The following PCDHGA3 variants were observed in gnomAD, a reference collection of about 807,000 sequenced individuals.
The protein encoded by PCDHGA3 is protocadherin gamma-A3.
In PCDHGA3, 40 loss-of-function variants were observed where a neutral mutation model predicts 58.5. The observed-to-expected ratio is 0.68, with a 90% CI of 0.53 to 0.89. PCDHGA3 has a LOEUF of 0.89. Among genes scored for constraint, PCDHGA3 ranks in the 40% least tolerant of loss-of-function variants. The probability of loss-of-function intolerance (pLI) is 0.00; values close to 1 mark genes in which losing one functional copy is unlikely to be tolerated. For synonymous variants in PCDHGA3, 530 were observed against 525.7 expected, an observed-to-expected ratio of 1.01 and a Z score of -0.11; for missense variants, 1,223 against 1,195.9, an observed-to-expected ratio of 1.02 and a Z score of -0.33.
chr5:141,502,578 T>C (rs2099815145), intron 2 of PCDHGA3, among the ~76,000 whole-genome samples: 1 of 152,198 alleles, frequency 6.6e-6, no homozygotes, highest in African/African-American at 2.4e-5. Context: ...TATAAAAATA[T>C]ATTTTTATAA....
intron 1 of PCDHGA3, chr5:141,441,743 C>G (rs1298220876): frequency 2.7e-6 from 1 of 367,284 alleles, no homozygotes; most frequent in Non-Finnish European, 5.4e-6. Flanking sequence ...AGCTCGCGCT[C>G]GGCGTCAACG....
At chr5:141,376,697 T>TTTTTTTTTA (rs60911796) in intron 1 of PCDHGA3, 1 of 652,042 alleles carries the variant, frequency 1.5e-6, no homozygotes, top group African/African-American at 2.1e-5. Context: ...TTTTTTTTTT[T>TTTTTTTTTA]GAGACGGAGT....
chr5:141,354,034 C>T (rs907415407), intron 1 of PCDHGA3, among the ~76,000 whole-genome samples: 6 of 152,120 alleles, frequency 3.9e-5, no homozygotes, highest in African/African-American at 1.2e-4. Flanking sequence ...AGAAAGAAAG[C>T]GATGGCACAT....
intron 1 of PCDHGA3, chr5:141,403,625 A>G (rs2094436092): frequency 6.2e-7 from 1 of 1,613,818 alleles, no homozygotes; most frequent in African/African-American, 1.3e-5. Context: ...TCGCTCCAGC[A>G]CAGTGCGCAT....
chr5:141,508,721 G>A (rs1266581528), intron 3 of PCDHGA3, among the ~76,000 whole-genome samples: 1 of 151,930 alleles, frequency 6.6e-6, no homozygotes, highest in Non-Finnish European at 1.5e-5. Flanking sequence ...TCTGTGTGCA[G>A]GGAGACTACA....
chr5:141,417,004 AT>A (rs1462550813), intron 1 of PCDHGA3: 1 of 149,888 alleles, frequency 6.7e-6, no homozygotes, highest in African/African-American at 2.5e-5. Context: ...ATCTCAAATA[AT>A]TCTATTATTT....
rs867175585 is a variant in PCDHGA3, at chr5:141,376,626, G to A, written c.2424+30169G>A. 71 of 1,155,548 alleles carry A rather than the reference G, an allele frequency of 6.1e-5. 4 individuals carry two copies. In the Middle Eastern group the frequency reaches 4.6e-3, roughly 75 times the overall value. 71.6% of individuals were successfully genotyped at this position (1,155,548 alleles called of 1,614,324 possible). A position where few individuals can be genotyped will look rare whatever the true frequency, so the allele number is the denominator to read the frequency against. Reference sequence around the variant, plus strand: ...AAGCGAACCTCTTTTGGTACAGGAAGATTCGTGATTTTGTAAAGTGGAAGA... The same window carrying A: ...AAGCGAACCTCTTTTGGTACAGGAAAATTCGTGATTTTGTAAAGTGGAAGA... On this transcript the variant is annotated intron_variant, in intron 1 of 3. Transcript: ENST00000253812.
chr5:141,392,812 C>T (rs2092600989), intron 1 of PCDHGA3: 2 of 1,583,404 alleles, frequency 1.3e-6, no homozygotes, highest in East Asian at 4.5e-5. Flanking sequence ...AGCAAAACAA[C>T]AATGGCCGCT....
At chr5:141,403,804 T>G (rs2094456767) in intron 1 of PCDHGA3, 1 of 1,613,764 alleles carries the variant, frequency 6.2e-7, no homozygotes, top group Non-Finnish European at 8.5e-7. Context: ...TCTGGAAAAT[T>G]AATGAAAAAC....
intron 1 of PCDHGA3, chr5:141,361,846 G>A (rs1762210359): frequency 1.2e-6 from 2 of 1,612,604 alleles, no homozygotes; most frequent in African/African-American, 1.3e-5. Flanking sequence ...GGGGCCTGAT[G>A]GCTCCGCCCT....
chr5:141,403,177 C>T, intron 1 of PCDHGA3: 3 of 1,614,008 alleles, frequency 1.9e-6, no homozygotes, highest in Non-Finnish European at 2.5e-6. Context: ...CGCAGCTTTT[C>T]TCTCTGAACC....
At chr5:141,388,612 G>T in intron 1 of PCDHGA3, 1 of 1,613,954 alleles carries the variant, frequency 6.2e-7, no homozygotes, top group Non-Finnish European at 8.5e-7. Flanking sequence ...CCAGTGTTCA[G>T]TCAAGACGTA....
chr5:141,360,869 A>G, intron 1 of PCDHGA3: 1 of 1,614,016 alleles, frequency 6.2e-7, no homozygotes, highest in Non-Finnish European at 8.5e-7. Flanking sequence ...TTCAGCCAGG[A>G]CGTGTACAGG....
intron 1 of PCDHGA3, among the ~76,000 whole-genome samples, chr5:141,445,007 G>T (rs771023003): frequency 1.3e-5 from 2 of 151,994 alleles, no homozygotes; most frequent in African/African-American, 4.8e-5. Flanking sequence ...ATTTAATTAG[G>T]TCTTTAATTT....
intron 1 of PCDHGA3, chr5:141,365,281 G>C (rs752099096): frequency 1.2e-6 from 2 of 1,614,000 alleles, no homozygotes; most frequent in East Asian, 2.2e-5. Flanking sequence ...TCTACCTCAT[G>C]GAAGTGGTAG....
At position 141,477,177 on chromosome 5, in the gene PCDHGA3, T is replaced by C; in HGVS notation, c.2425-17630T>C. The C allele has an allele frequency of 6.2e-7, 1 of 1,614,160 alleles. No individual in the cohort carries two copies. On this transcript the variant is annotated intron_variant, in intron 1 of 3. Coordinates refer to ENST00000253812, the MANE Select transcript of PCDHGA3 (RefSeq NM_018916.4). This position sits in a 1 kb window ranked among gnomAD's most constrained non-coding sequence, Gnocchi z 4.9. Reference sequence around the variant, plus strand: ...AATGACAACGCCCCGGAGATCACAGTCACCTCCGTGTACAGCCCAGTACCC... The same window carrying C: ...AATGACAACGCCCCGGAGATCACAGCCACCTCCGTGTACAGCCCAGTACCC...
Position 141,375,486 on chromosome 5 carries a change from G to A in PCDHGA3, c.2424+29029G>A, listed in dbSNP as rs1193457334. Reference sequence around the variant, plus strand: ...TATGTCCTTGAAAACAACCCCAGGGGTGCCTCCATCTTCTCTGTGAATGCA... The same window carrying A: ...TATGTCCTTGAAAACAACCCCAGGGATGCCTCCATCTTCTCTGTGAATGCA... On this transcript the variant is annotated intron_variant, in intron 1 of 3. Transcript: ENST00000253812. 9.3e-6 allele frequency: 15 copies of A among 1,613,796 alleles called. No individual in the cohort carries two copies. The Admixed American group carries it at 1.7e-4, about 18-fold the overall frequency.
At chr5:141,447,232 C>T (rs988057696) in intron 1 of PCDHGA3, among the ~76,000 whole-genome samples, 3 of 152,062 alleles carry the variant, frequency 2.0e-5, no homozygotes, top group East Asian at 1.9e-4. Flanking sequence ...CTCCGCCTCC[C>T]GGGTTCAAGT....
At position 141,384,752 on chromosome 5, in the gene PCDHGA3, C is replaced by T. The variant is rs974144646; in HGVS notation, c.2424+38295C>T. 6.2e-6 allele frequency: 10 copies of T among 1,613,906 alleles called. No individual in the cohort carries two copies. The African/African-American group carries it at 6.7e-5, about 11-fold the overall frequency. ...AAGGCCAGCGAGCCAGGACTCTTTG[C>T]GGTTGGGCTGTACACGGGCGAGGTG... On this transcript the variant is annotated intron_variant, in intron 1 of 3. Coordinates refer to ENST00000253812, the MANE Select transcript of PCDHGA3 (RefSeq NM_018916.4).
Sources: gnomAD v4.1 joint callset for allele counts (sites outside exome capture counted in the v4.1 genomes callset) on GRCh38, gnomAD v4.1.1 for gene constraint, Gnocchi (gnomAD v3.1) non-coding constraint, MANE v1.5 for transcripts, NCBI Gene and HGNC (gene_info 2026-07-23, HGNC 2026-07-21) for gene names.